Variants in DRC9 observed in about 807,000 individuals in gnomAD.
The protein encoded by DRC9 is dynein regulatory complex subunit 9.
the DRC9 span, among the ~76,000 whole-genome samples, chr3:197,927,145 TA>T: frequency 1.3e-5 from 2 of 152,180 alleles, no homozygotes; most frequent in Non-Finnish European, 2.9e-5. Context: ...AATACCAGAA[TA>T]AACAAAACAA....
the DRC9 span, chr3:197,938,854 A>G: frequency 1.9e-5 from 19 of 1,021,676 alleles, no homozygotes; most frequent in Non-Finnish European, 2.1e-5. Context: ...CTTTGTGTAC[A>G]TTTTTCAACA....
the DRC9 span, chr3:197,894,472 A>G: frequency 6.6e-6 from 1 of 152,212 alleles, no homozygotes; most frequent in Non-Finnish European, 1.5e-5. Flanking sequence ...AGAAATTCTA[A>G]AAGTATAAAA....
chr3:197,934,649 C>G, the DRC9 span, among the ~76,000 whole-genome samples: 11,269 of 151,960 alleles, frequency 0.074, 590 homozygotes, highest in African/African-American at 0.15. Flanking sequence ...GCGTAGTCCG[C>G]TGTTCTTCAT....
the DRC9 span, among the ~76,000 whole-genome samples, chr3:197,940,781 C>G: frequency 6.6e-6 from 1 of 152,118 alleles, no homozygotes; most frequent in East Asian, 1.9e-4. Context: ...ATGAAGCTAA[C>G]ATATTGAGAA....
At chr3:197,950,147 G>T in the DRC9 span, 1 of 1,231,688 alleles carries the variant, frequency 8.1e-7, no homozygotes, top group South Asian at 4.1e-5. Flanking sequence ...GGGCGGAGTC[G>T]AAAGATGTTT....
At chr3:197,941,706 G>A in the DRC9 span, among the ~76,000 whole-genome samples, 6,816 of 150,650 alleles carry the variant, frequency 0.045, 187 homozygotes, top group African/African-American at 0.074. Context: ...GACTACAGGC[G>A]TACGCCACAA....
chr3:197,954,091 C>T, the DRC9 span: 14 of 1,614,124 alleles, frequency 8.7e-6, no homozygotes, highest in South Asian at 1.1e-5. Flanking sequence ...TGGCATGGTT[C>T]GTGCCAAATT....
chr3:197,941,691 G>C, the DRC9 span, among the ~76,000 whole-genome samples: 3 of 150,644 alleles, frequency 2.0e-5, no homozygotes, highest in East Asian at 5.9e-4. Flanking sequence ...CTCCTGAGTA[G>C]CTGGGACTAC....
the DRC9 span, among the ~76,000 whole-genome samples, chr3:197,919,608 A>C: frequency 6.6e-6 from 1 of 152,194 alleles, no homozygotes; most frequent in Non-Finnish European, 1.5e-5. Flanking sequence ...TTGTTATTCG[A>C]ATTCAGAGAA....
the DRC9 span, among the ~76,000 whole-genome samples, chr3:197,925,752 T>G: frequency 6.6e-6 from 1 of 151,858 alleles, no homozygotes; most frequent in Non-Finnish European, 1.5e-5. Flanking sequence ...CCCGGCTAAT[T>G]TTTGTATTTT....
the DRC9 span, chr3:197,954,008 C>G: frequency 6.2e-7 from 1 of 1,612,806 alleles, no homozygotes; most frequent in South Asian, 1.1e-5. Context: ...ATCAGCAACA[C>G]AGTCACTCCT....
chr3:197,917,813 C>T, the DRC9 span, among the ~76,000 whole-genome samples: 10 of 151,918 alleles, frequency 6.6e-5, no homozygotes, highest in Non-Finnish European at 7.4e-5. Flanking sequence ...TCACTGCAAC[C>T]TCTGCCTCCC....
the DRC9 span, among the ~76,000 whole-genome samples, chr3:197,901,400 AG>A: frequency 6.6e-6 from 1 of 152,250 alleles, no homozygotes; most frequent in South Asian, 2.1e-4. This position sits in a 1 kb window ranked among gnomAD's most constrained non-coding sequence, Gnocchi z 4.4. Context: ...AGCCTCTCAA[AG>A]CGCTGGGATT....
chr3:197,940,217 A>G, the DRC9 span, among the ~76,000 whole-genome samples: 1 of 151,706 alleles, frequency 6.6e-6, no homozygotes, highest in African/African-American at 2.4e-5. Flanking sequence ...GCTGGTCTCA[A>G]ACTCCTGACC....
the DRC9 span, chr3:197,956,609 C>T: frequency 6.8e-6 from 1 of 147,142 alleles, no homozygotes; most frequent in Non-Finnish European, 1.5e-5. Context: ...ACTAAGGCAT[C>T]AGTTTTGCTG....
At chr3:197,911,709 G>T in the DRC9 span, among the ~76,000 whole-genome samples, 1 of 151,418 alleles carries the variant, frequency 6.6e-6, no homozygotes, top group African/African-American at 2.4e-5. Flanking sequence ...GCATGATCTC[G>T]GCTCACTGTA....
At chr3:197,933,041 C>CAT in the DRC9 span, among the ~76,000 whole-genome samples, 9 of 132,670 alleles carry the variant, frequency 6.8e-5, no homozygotes, top group Middle Eastern at 3.4e-3. Context: ...ATATATTATA[C>CAT]ATATATATAA....
At chr3:197,952,162 G>GGTT in the DRC9 span, among the ~76,000 whole-genome samples, 32 of 83,890 alleles carry the variant, frequency 3.8e-4, no homozygotes, top group African/African-American at 1.6e-3. Context: ...AAAATTATGG[G>GGTT]TTTTTTTTTT....
At chr3:197,904,510 A>G in the DRC9 span, among the ~76,000 whole-genome samples, 2 of 152,216 alleles carry the variant, frequency 1.3e-5, no homozygotes, top group African/African-American at 4.8e-5. Context: ...TTATTGCAGC[A>G]CTGTTCACAA....
Sources: gnomAD v4.1 joint callset for allele counts (sites outside exome capture counted in the v4.1 genomes callset) on GRCh38, gnomAD v4.1.1 for gene constraint, Gnocchi (gnomAD v3.1) non-coding constraint, MANE v1.5 for transcripts, NCBI Gene and HGNC (gene_info 2026-07-23, HGNC 2026-07-21) for gene names.